WARS2: variants seen among roughly 807,000 people sequenced by gnomAD.
WARS2 encodes the protein tryptophanyl tRNA synthetase 2, mitochondrial.
WARS2 carries 28 observed loss-of-function variants against 36.5 expected under a neutral mutation model. The ratio of observed to expected loss-of-function variants is 0.77; its 90% CI spans 0.57 to 1.05. The LOEUF (loss-of-function observed/expected upper bound fraction) is 1.05. Ranked by LOEUF, WARS2 falls within the 50% of genes least tolerant of loss-of-function variation. The pLI, the probability that WARS2 is intolerant of heterozygous loss-of-function variation, is 0.00. For synonymous variants in WARS2, 174 were observed against 178.4 expected (o/e 0.98, Z 0.20); for missense variants, 435 against 456.8 (o/e 0.95, Z 0.44).
intron 2 of WARS2, among the ~76,000 whole-genome samples, chr1:119,056,186 A>ATTTTTTTT (rs751264352): frequency 1.7e-5 from 2 of 116,172 alleles, no homozygotes; most frequent in Non-Finnish European, 3.5e-5. Flanking sequence ...TGCCTGGCTA[A>ATTTTTTTT]TTTTTTTTTT....
chr1:119,086,866 A>G (rs1652711817), intron 1 of WARS2, among the ~76,000 whole-genome samples: 1 of 151,966 alleles, frequency 6.6e-6, no homozygotes, highest in East Asian at 1.9e-4. Context: ...TCAGCTGACT[A>G]CTTGCCTTTC....
chr1:119,038,966 G>T (rs1384075546), intron 4 of WARS2, among the ~76,000 whole-genome samples: 2 of 152,234 alleles, frequency 1.3e-5, no homozygotes, highest in Admixed American at 6.5e-5. Flanking sequence ...ACAGGCGTGA[G>T]CCACTGTGCC....
intron 4 of WARS2, among the ~76,000 whole-genome samples, chr1:119,035,642 CT>C (rs532340092): frequency 9.2e-5 from 14 of 152,046 alleles, no homozygotes; most frequent in Non-Finnish European, 2.1e-4. Context: ...GATCATTTTC[CT>C]TTTTCAGAGC....
At chr1:119,045,488 A>T (rs753741336) in intron 3 of WARS2, 94 bp downstream of exon 3, 11 of 1,044,250 alleles carry the variant, frequency 1.1e-5, no homozygotes, top group African/African-American at 1.6e-5. Context: ...TGAGTGGCAG[A>T]CCAGGGAGGA....
chr1:119,056,794 G>T (rs1649854306), intron 2 of WARS2, among the ~76,000 whole-genome samples: 1 of 151,934 alleles, frequency 6.6e-6, no homozygotes, highest in Non-Finnish European at 1.5e-5. Context: ...TCATTTAAAT[G>T]AAATTATATA....
At chr1:119,086,947 C>T (rs587745789) in intron 1 of WARS2, among the ~76,000 whole-genome samples, 1 of 151,994 alleles carries the variant, frequency 6.6e-6, no homozygotes, top group African/African-American at 2.4e-5. Context: ...CTCTTTTCTG[C>T]GTGGGGAACT....
chr1:119,039,344 T>A (rs997059876), intron 4 of WARS2, among the ~76,000 whole-genome samples: 4 of 152,150 alleles, frequency 2.6e-5, no homozygotes, highest in African/African-American at 9.7e-5. Flanking sequence ...TATATGTATG[T>A]GTGTGCCTTT....
intron 1 of WARS2, among the ~76,000 whole-genome samples, chr1:119,131,083 T>C (rs1397836757): frequency 2.0e-5 from 3 of 152,212 alleles, no homozygotes; most frequent in African/African-American, 7.2e-5. Flanking sequence ...TGTATTTTTT[T>C]CTATAAGAGA....
intron 1 of WARS2, among the ~76,000 whole-genome samples, chr1:119,118,072 C>G (rs774805796): frequency 7.2e-5 from 11 of 152,010 alleles, no homozygotes; most frequent in Non-Finnish European, 1.3e-4. Flanking sequence ...TGGCTCTAAA[C>G]CAAGTAGAAA....
chr1:119,045,031 G>C (rs1033698856), intron 3 of WARS2, among the ~76,000 whole-genome samples: 1 of 152,106 alleles, frequency 6.6e-6, no homozygotes, highest in Non-Finnish European at 1.5e-5. Context: ...ACCTACCCTG[G>C]GGTTATCCGA....
intron 2 of WARS2, chr1:119,047,642 A>G (rs527868450): frequency 6.6e-6 from 1 of 152,330 alleles, no homozygotes; most frequent in South Asian, 2.1e-4. Context: ...GAAGGGTAGG[A>G]TACTTCAGGA....
At chr1:119,097,418 C>T (rs1424916276) in intron 1 of WARS2, among the ~76,000 whole-genome samples, 2 of 152,204 alleles carry the variant, frequency 1.3e-5, no homozygotes, top group African/African-American at 4.8e-5. Flanking sequence ...TACCATTCCC[C>T]TCCATGAATT....
At chr1:119,046,271 T>TCCTCTCC (rs1648810786) in intron 2 of WARS2, among the ~76,000 whole-genome samples, 1 of 133,048 alleles carries the variant, frequency 7.5e-6, no homozygotes, top group South Asian at 2.6e-4. Flanking sequence ...TTCATCTTCC[T>TCCTCTCC]CTCCTCCTTT....
chr1:119,036,507 G>C (rs563700310), intron 4 of WARS2, among the ~76,000 whole-genome samples: 10 of 152,244 alleles, frequency 6.6e-5, no homozygotes, highest in Non-Finnish European at 1.3e-4. Flanking sequence ...AGGTCACCTT[G>C]ACGCCCCCAA....
rs543678135 is a variant in WARS2 at position 119,057,307 on chromosome 1, G to A, written c.349-11645C>T. On this transcript the variant is annotated intron_variant, in intron 2 of 5. Transcript: ENST00000235521. ...ACTACAAGTGCACACCACCAAGCCC[G>A]GCTAAATTTTGTGTTTTTAGTAGAG... Among the ~76,000 whole-genome samples the A allele has an allele frequency of 1.4e-3, 206 of 151,740 alleles. 1 individual carries two copies. Among genetic ancestry groups the A allele is most frequent in the Admixed American group, 2.0e-3 (30 of 15,234 alleles).
At chr1:119,129,149 T>G (rs971255235) in intron 1 of WARS2, among the ~76,000 whole-genome samples, 4 of 152,124 alleles carry the variant, frequency 2.6e-5, no homozygotes, top group Non-Finnish European at 5.9e-5. Flanking sequence ...AATTCATATT[T>G]TGGAACCTAA....
intron 2 of WARS2, among the ~76,000 whole-genome samples, chr1:119,072,970 C>T (rs1053910573): frequency 4.0e-5 from 6 of 151,774 alleles, no homozygotes; most frequent in Non-Finnish European, 8.8e-5. Flanking sequence ...GCCTGGACAA[C>T]GTTGTGAGAC....
rs1369611958 is a variant in WARS2 at position 119,076,563 on chromosome 1, T to C, written c.135A>G (p.Gly45=). ...CCAGGTAATTGCCCAGGTGGAGGAT[T>C]CCTGTAGGTTGAATGCCGGAAAATA... The part of the protein sequence containing the change: ...KRVFSGIQPT[G]ILHLGNYLGA... The change falls in exon 2 of 6, where the codon GGA becomes GGG. Residue 45 remains glycine, a synonymous_variant. Transcript: ENST00000235521. 31 of 1,614,068 alleles carry C rather than the reference T, an allele frequency of 1.9e-5. No individual in the cohort carries two copies. Among genetic ancestry groups the C allele is most frequent in the Non-Finnish European group, 2.5e-5 (30 of 1,180,038 alleles).
chr1:119,117,721 T>A (rs1655064307), intron 1 of WARS2, among the ~76,000 whole-genome samples: 1 of 152,204 alleles, frequency 6.6e-6, no homozygotes, highest in Non-Finnish European at 1.5e-5. Flanking sequence ...GAGCAGGTGC[T>A]GGTATCCACA....
Sources: allele counts gnomAD v4.1 joint callset (sites outside exome capture counted in the v4.1 genomes callset), GRCh38; gene constraint gnomAD v4.1.1; transcripts MANE v1.5; gene names NCBI Gene and HGNC (gene_info 2026-07-23, HGNC 2026-07-21).